The following GALNT7 variants were observed in gnomAD, a reference collection of about 807,000 sequenced individuals.
GALNT7 encodes the protein N-acetylgalactosaminyltransferase 7.
In GALNT7, 60 loss-of-function variants were observed where a neutral mutation model predicts 82.1. The ratio of observed to expected loss-of-function variants is 0.73; its 90% CI spans 0.59 to 0.91. GALNT7 has a LOEUF of 0.91. Ranked by LOEUF, GALNT7 falls within the 40% of genes least tolerant of loss-of-function variation. The pLI, the probability that GALNT7 is intolerant of heterozygous loss-of-function variation, is 0.00. For synonymous variants in GALNT7, 243 were observed against 275.1 expected, an observed-to-expected ratio of 0.88 and a Z score of 1.15; for missense variants, 660 against 804.2, an observed-to-expected ratio of 0.82 and a Z score of 2.17.
chr4:173,226,379 T>G (rs1268398299), intron 1 of GALNT7, among the ~76,000 whole-genome samples: 1 of 152,178 alleles, frequency 6.6e-6, no homozygotes, highest in African/African-American at 2.4e-5. Context: ...ATGCAGTAAC[T>G]TGCTGTTTTT....
intron 2 of GALNT7, among the ~76,000 whole-genome samples, chr4:173,290,793 CTA>C (rs1736504013): frequency 6.6e-6 from 1 of 152,128 alleles, no homozygotes; most frequent in Non-Finnish European, 1.5e-5. Flanking sequence ...TATTTCTAAA[CTA>C]TACATTGGTG....
chr4:173,310,161 T>C (rs1457253890), intron 8 of GALNT7, among the ~76,000 whole-genome samples: 1 of 152,242 alleles, frequency 6.6e-6, no homozygotes, highest in Non-Finnish European at 1.5e-5. Context: ...CCTCTGAGCC[T>C]CAAACCTTCT....
intron 1 of GALNT7, among the ~76,000 whole-genome samples, chr4:173,212,260 A>G (rs1329609623): frequency 1.3e-5 from 2 of 152,224 alleles, no homozygotes; most frequent in African/African-American, 4.8e-5. Context: ...GAATTTAACA[A>G]TTAAATATTT....
At position 173,320,986 on chromosome 4, in the gene GALNT7, A is replaced by G. The variant is rs1271298220; in HGVS notation, c.1837-594A>G. The stretch of plus-strand genomic sequence containing the variant: ...TCACCATTGCTTTTGCACTATCGGT[A>G]TAAATGTTGCTAAAGTGAAAAGGCA... On this transcript the variant is annotated intron_variant, in intron 11 of 11. Transcript: ENST00000265000. This position sits in a 1 kb window ranked among gnomAD's most constrained non-coding sequence, Gnocchi z 4.1. 6.6e-6 allele frequency among the ~76,000 whole-genome samples: 1 copy of G among 152,198 alleles called. No individual in the cohort carries two copies. The highest frequency in any genetic ancestry group is 2.4e-5 in the African/African-American group (1 of 41,462).
chr4:173,203,157 G>T (rs1027184844), intron 1 of GALNT7, among the ~76,000 whole-genome samples: 1 of 151,890 alleles, frequency 6.6e-6, no homozygotes, highest in African/African-American at 2.4e-5. Context: ...GTGCAGTGGC[G>T]CAATCTAGGC....
At chr4:173,233,350 C>A (rs535922213) in intron 1 of GALNT7, among the ~76,000 whole-genome samples, 2 of 152,162 alleles carry the variant, frequency 1.3e-5, no homozygotes, top group Non-Finnish European at 2.9e-5. Context: ...TACATTCTCA[C>A]CAACAGTGTA....
chr4:173,254,968 A>T (rs1734983741), intron 2 of GALNT7, among the ~76,000 whole-genome samples: 1 of 152,374 alleles, frequency 6.6e-6, no homozygotes, highest in Admixed American at 6.5e-5. Context: ...ATAAACACAA[A>T]AACATATACA....
intron 8 of GALNT7, among the ~76,000 whole-genome samples, chr4:173,309,506 A>T (rs182255258): frequency 1.3e-4 from 20 of 152,236 alleles, no homozygotes; most frequent in Non-Finnish European, 2.6e-4. Flanking sequence ...AGGAAGCTTC[A>T]TGCAGACATC....
chr4:173,225,338 T>G (rs1258962814), intron 1 of GALNT7, among the ~76,000 whole-genome samples: 1 of 152,012 alleles, frequency 6.6e-6, no homozygotes, highest in Admixed American at 6.6e-5. Flanking sequence ...GGGAAAAGGG[T>G]TGACTGGGAA....
At chr4:173,321,360 T>A (rs1041400887) in intron 11 of GALNT7, among the ~76,000 whole-genome samples, 1 of 152,128 alleles carries the variant, frequency 6.6e-6, no homozygotes, top group East Asian at 1.9e-4. Flanking sequence ...ATACCAGCAG[T>A]ATATTGTGAC....
intron 11 of GALNT7, among the ~76,000 whole-genome samples, chr4:173,319,525 A>AC (rs1311816145): frequency 6.6e-6 from 1 of 150,770 alleles, no homozygotes; most frequent in Admixed American, 6.6e-5. Flanking sequence ...ATTTATTTTC[A>AC]CAAAAAAAAA....
intron 2 of GALNT7, among the ~76,000 whole-genome samples, chr4:173,256,673 G>A (rs771031026): frequency 1.3e-5 from 2 of 151,740 alleles, no homozygotes; most frequent in Non-Finnish European, 2.9e-5. Flanking sequence ...CTACATATAC[G>A]AGGCAGAAAT....
chr4:173,225,017 AAAATAAT>A (rs1328128991), intron 1 of GALNT7, among the ~76,000 whole-genome samples: 1 of 39,946 alleles, frequency 2.5e-5, no homozygotes, highest in Non-Finnish European at 6.7e-5. Context: ...TCTGTCTCAA[AAAATAAT>A]AATAATAATA....
Position 173,293,915 on chromosome 4 carries a change from T to G in GALNT7, c.755-1481T>G, listed in dbSNP as rs1197435075. On this transcript the variant is annotated intron_variant, in intron 3 of 11. Transcript: ENST00000265000. ...TTAATGCTTCTATGCGTGTGACTGA[T>G]GTCATTTCCACCCACATCTTGTTGA... 2.0e-5 allele frequency among the ~76,000 whole-genome samples: 3 copies of G among 152,302 alleles called. No homozygotes were observed. In the East Asian group the frequency reaches 5.8e-4, roughly 29 times the overall value.
intron 1 of GALNT7, among the ~76,000 whole-genome samples, chr4:173,224,783 C>T (rs1330617340): frequency 6.6e-5 from 10 of 151,588 alleles, no homozygotes; most frequent in East Asian, 1.9e-4. Flanking sequence ...GAGGCCGAGG[C>T]GGGCGGATCA....
At chr4:173,258,086 A>G (rs572038377) in intron 2 of GALNT7, among the ~76,000 whole-genome samples, 17 of 152,250 alleles carry the variant, frequency 1.1e-4, no homozygotes, top group Non-Finnish European at 2.1e-4. Flanking sequence ...GAAAGCTTCT[A>G]TTGAAGTCTG....
chr4:173,237,284 T>C (rs1734266296), intron 1 of GALNT7, among the ~76,000 whole-genome samples: 1 of 152,214 alleles, frequency 6.6e-6, no homozygotes, highest in South Asian at 2.1e-4. Flanking sequence ...TGCAATACTT[T>C]TTTTATGAGC....
intron 1 of GALNT7, among the ~76,000 whole-genome samples, chr4:173,188,971 G>C (rs1579893695): frequency 6.6e-6 from 1 of 152,124 alleles, no homozygotes; most frequent in African/African-American, 2.4e-5. Flanking sequence ...TACTGCCCTC[G>C]AGGGAGAGGT....
chr4:173,244,733 C>G (rs1734559150), intron 1 of GALNT7, among the ~76,000 whole-genome samples: 1 of 152,022 alleles, frequency 6.6e-6, no homozygotes. Flanking sequence ...AAGGCAGTAG[C>G]AGTGAGGATG....
Sources: gnomAD v4.1 joint callset for allele counts (sites outside exome capture counted in the v4.1 genomes callset) on GRCh38, gnomAD v4.1.1 for gene constraint, Gnocchi (gnomAD v3.1) non-coding constraint, MANE v1.5 for transcripts, NCBI Gene and HGNC (gene_info 2026-07-23, HGNC 2026-07-21) for gene names.